Variants in FHIT observed in about 807,000 individuals in gnomAD.
FHIT encodes fragile histidine triad diadenosine triphosphatase, also known as bis(5'-adenosyl)-triphosphatase.
A neutral mutation model predicts 17.9 loss-of-function variants in FHIT; 19 were observed. That is an observed-to-expected ratio of 1.06 (90% CI 0.74 to 1.56). The LOEUF is 1.56. Among genes scored for constraint, FHIT ranks in the 40% most tolerant of loss-of-function variants. The pLI is 0.00. For missense variants in FHIT, 248 were observed against 189.2 expected, an observed-to-expected ratio of 1.31 and a Z score of -1.82; for synonymous variants, 81 against 69.7, an observed-to-expected ratio of 1.16 and a Z score of -0.81.
intron 8 of FHIT, among the ~76,000 whole-genome samples, chr3:59,760,400 C>T (rs926833277): frequency 2.6e-5 from 4 of 152,146 alleles, no homozygotes; most frequent in Non-Finnish European, 5.9e-5. Context: ...AAGCCGATTG[C>T]CAAAGCGGCA....
At chr3:60,896,619 G>A (rs1427131018) in intron 3 of FHIT, among the ~76,000 whole-genome samples, 1 of 152,184 alleles carries the variant, frequency 6.6e-6, no homozygotes. Context: ...TACTTCTGTT[G>A]TTTGATTGAA....
chr3:60,402,586 C>T (rs1412517997), intron 5 of FHIT, among the ~76,000 whole-genome samples: 2 of 152,140 alleles, frequency 1.3e-5, no homozygotes, highest in African/African-American at 2.4e-5. Context: ...TCATTTAATA[C>T]CTATTACTGC....
intron 5 of FHIT, among the ~76,000 whole-genome samples, chr3:60,431,795 C>T (rs1702917069): frequency 6.6e-6 from 1 of 152,062 alleles, no homozygotes; most frequent in Non-Finnish European, 1.5e-5. Context: ...TCTCTCATGT[C>T]CAGCTCAGAG....
intron 8 of FHIT, among the ~76,000 whole-genome samples, chr3:59,907,401 T>C (rs1704633178): frequency 6.6e-6 from 1 of 152,220 alleles, no homozygotes; most frequent in African/African-American, 2.4e-5. Flanking sequence ...AGTAGTCTCC[T>C]TCACTCACCA....
At chr3:60,838,882 G>A (rs1045297150) in intron 3 of FHIT, among the ~76,000 whole-genome samples, 1 of 152,158 alleles carries the variant, frequency 6.6e-6, no homozygotes, top group Non-Finnish European at 1.5e-5. Context: ...GAGAGAATCA[G>A]TGAAAACTTC....
intron 5 of FHIT, among the ~76,000 whole-genome samples, chr3:60,375,429 G>C (rs1337032253): frequency 6.7e-6 from 1 of 148,930 alleles, no homozygotes; most frequent in African/African-American, 2.5e-5. Flanking sequence ...AAAAAAATTA[G>C]CCAGATGTGG....
intron 4 of FHIT, among the ~76,000 whole-genome samples, chr3:60,618,995 G>A (rs1453007587): frequency 6.7e-6 from 1 of 149,472 alleles, no homozygotes; most frequent in Non-Finnish European, 1.5e-5. Flanking sequence ...TCAGCCCAGT[G>A]GGCCCAGTAT....
At chr3:60,163,918 A>T (rs776420396) in intron 5 of FHIT, among the ~76,000 whole-genome samples, 2 of 152,096 alleles carry the variant, frequency 1.3e-5, no homozygotes, top group Non-Finnish European at 1.5e-5. Flanking sequence ...AGAGCACAGG[A>T]TGTGCTTCTG....
intron 7 of FHIT, among the ~76,000 whole-genome samples, chr3:59,938,307 A>G (rs553318541): frequency 6.0e-4 from 92 of 152,324 alleles, no homozygotes; most frequent in African/African-American, 2.0e-3. Flanking sequence ...ACAGAAAGAA[A>G]AATATCACAT....
At chr3:59,814,815 T>C (rs1487975083) in intron 8 of FHIT, among the ~76,000 whole-genome samples, 1 of 152,174 alleles carries the variant, frequency 6.6e-6, no homozygotes, top group African/African-American at 2.4e-5. Context: ...TTTTCTTGTG[T>C]AGTTCCCTTT....
At chr3:60,425,096 G>A (rs932201415) in intron 5 of FHIT, among the ~76,000 whole-genome samples, 4 of 152,032 alleles carry the variant, frequency 2.6e-5, no homozygotes, top group Non-Finnish European at 5.9e-5. Context: ...AGAAACACAT[G>A]GATCAAGGGA....
intron 5 of FHIT, among the ~76,000 whole-genome samples, chr3:60,347,854 G>A (rs1302031265): frequency 2.0e-5 from 3 of 152,022 alleles, no homozygotes; most frequent in Non-Finnish European, 4.4e-5. Flanking sequence ...CCCCTCCTGG[G>A]TTCAAGCGAT....
intron 5 of FHIT, among the ~76,000 whole-genome samples, chr3:60,047,087 G>A (rs753698837): frequency 3.9e-5 from 6 of 152,292 alleles, no homozygotes; most frequent in African/African-American, 1.4e-4. Flanking sequence ...GTGACATTTT[G>A]CTAGGAATTT....
At chr3:60,595,957 T>C (rs1243469212) in intron 4 of FHIT, among the ~76,000 whole-genome samples, 2 of 152,064 alleles carry the variant, frequency 1.3e-5, no homozygotes, top group African/African-American at 2.4e-5. Flanking sequence ...ATACAGTCTA[T>C]AGTTAACATC....
intron 4 of FHIT, among the ~76,000 whole-genome samples, chr3:60,661,850 T>C (rs370635275): frequency 4.6e-5 from 7 of 152,214 alleles, no homozygotes; most frequent in African/African-American, 1.4e-4. Flanking sequence ...TTGTATATCT[T>C]CTTCTGACAA....
chr3:60,849,441 A>AACATATATATATAT (rs1553747602), intron 3 of FHIT, among the ~76,000 whole-genome samples: 1 of 137,702 alleles, frequency 7.3e-6, no homozygotes, highest in African/African-American at 2.7e-5. Flanking sequence ...ACAAAAATGA[A>AACATATATATATAT]ATATATATAT....
At chr3:60,880,048 C>A (rs2107120832) in intron 3 of FHIT, among the ~76,000 whole-genome samples, 1 of 152,066 alleles carries the variant, frequency 6.6e-6, no homozygotes, top group South Asian at 2.1e-4. Flanking sequence ...TCAAAGGTTC[C>A]CGAATAGATT....
At chr3:60,359,139 G>A (rs1699791314) in intron 5 of FHIT, among the ~76,000 whole-genome samples, 1 of 152,066 alleles carries the variant, frequency 6.6e-6, no homozygotes, top group Non-Finnish European at 1.5e-5. Flanking sequence ...CCTTCCCCAA[G>A]AGTCATGGTT....
intron 4 of FHIT, among the ~76,000 whole-genome samples, chr3:60,553,872 G>T (rs1049672263): frequency 6.6e-6 from 1 of 152,052 alleles, no homozygotes; most frequent in Non-Finnish European, 1.5e-5. Flanking sequence ...GATCACTTGA[G>T]GTCAGGAGTT....
Sources: allele counts gnomAD v4.1 joint callset (sites outside exome capture counted in the v4.1 genomes callset), GRCh38; gene constraint gnomAD v4.1.1; transcripts MANE v1.5; gene names NCBI Gene and HGNC (gene_info 2026-07-23, HGNC 2026-07-21).